The following NREP variants were observed in gnomAD, a reference collection of about 807,000 sequenced individuals.
NREP encodes neuronal regeneration-related protein.
A neutral mutation model predicts 8.6 loss-of-function variants in NREP; 5 were observed. That is an observed-to-expected ratio of 0.58 (90% CI 0.30 to 1.22). The LOEUF is 1.22. Ranked by LOEUF, NREP falls within the 50% of genes most tolerant of loss-of-function variation. NREP has a pLI of 0.07. For synonymous variants in NREP, 27 were observed against 28.0 expected (o/e 0.96, Z 0.11); for missense variants, 86 against 82.5 (o/e 1.04, Z -0.17).
chr5:111,971,710 G>T (rs1404232164), intron 2 of NREP, among the ~76,000 whole-genome samples: 1 of 152,100 alleles, frequency 6.6e-6, no homozygotes, highest in Non-Finnish European at 1.5e-5. Context: ...TCATATCATA[G>T]ACAAAAGTAA....
At chr5:111,927,049 T>C (rs1285451928) in intron 2 of NREP, among the ~76,000 whole-genome samples, 1 of 151,970 alleles carries the variant, frequency 6.6e-6, no homozygotes, top group Non-Finnish European at 1.5e-5. Context: ...GACTATGTAA[T>C]AGTTGCATCT....
At chr5:111,927,311 C>A (rs1755415557) in intron 2 of NREP, among the ~76,000 whole-genome samples, 1 of 152,060 alleles carries the variant, frequency 6.6e-6, no homozygotes, top group Non-Finnish European at 1.5e-5. Context: ...AGCATCCAAT[C>A]AAGACTCAAA....
chr5:111,829,848 C>T (rs981861378), intron 2 of NREP, among the ~76,000 whole-genome samples: 4 of 152,174 alleles, frequency 2.6e-5, no homozygotes, highest in African/African-American at 4.8e-5. Context: ...ACCCACATAG[C>T]GTGCCATGGG....
rs116629490 is a variant in NREP at position 111,739,938 on chromosome 5, T to C, written c.4-4431A>G. Among the ~76,000 whole-genome samples the C allele has an allele frequency of 1.0e-2, 1,516 of 152,142 alleles. 20 individuals are homozygous for C. The highest frequency in any genetic ancestry group is 0.035 in the African/African-American group (1,438 of 41,496). ...AAATCCTCAAAACCCTCTAGAATAC[T>C]ATTCTTCCAGAAGTCTATTAGAAAA... On this transcript the variant is annotated intron_variant, in intron 2 of 3. Coordinates refer to ENST00000257435, the MANE Select transcript of NREP (RefSeq NM_004772.4).
At chr5:111,862,827 A>G (rs945269462) in intron 2 of NREP, among the ~76,000 whole-genome samples, 2 of 151,752 alleles carry the variant, frequency 1.3e-5, no homozygotes, top group East Asian at 1.9e-4. Context: ...AGAAAAAGTC[A>G]GGTGGAAGCA....
intron 2 of NREP, among the ~76,000 whole-genome samples, chr5:111,889,556 G>C (rs1008705203): frequency 6.6e-6 from 1 of 152,100 alleles, no homozygotes; most frequent in South Asian, 2.1e-4. Flanking sequence ...CTTCTCAATA[G>C]TACCCCAAAG....
intron 2 of NREP, among the ~76,000 whole-genome samples, chr5:111,882,017 T>C (rs1754091387): frequency 1.3e-5 from 2 of 152,056 alleles, no homozygotes. Flanking sequence ...AGGCTTCAGA[T>C]GATCAAACTA....
intron 2 of NREP, among the ~76,000 whole-genome samples, chr5:111,751,324 T>C (rs556621120): frequency 9.3e-4 from 141 of 152,320 alleles, no homozygotes; most frequent in African/African-American, 3.0e-3. Flanking sequence ...GCCGTGTTAA[T>C]GCTTAAGTCC....
intron 2 of NREP, among the ~76,000 whole-genome samples, chr5:111,904,515 G>A (rs1754729322): frequency 6.6e-6 from 1 of 152,000 alleles, no homozygotes; most frequent in Admixed American, 6.6e-5. Flanking sequence ...ATAGTATGTA[G>A]GCTTTTCAGG....
At chr5:111,743,996 A>C (rs1490393895) in intron 2 of NREP, among the ~76,000 whole-genome samples, 1 of 152,126 alleles carries the variant, frequency 6.6e-6, no homozygotes, top group Non-Finnish European at 1.5e-5. Flanking sequence ...CTGATGAGGT[A>C]AGTATTTATT....
At chr5:111,870,159 G>A (rs1753756579) in intron 2 of NREP, among the ~76,000 whole-genome samples, 1 of 152,192 alleles carries the variant, frequency 6.6e-6, no homozygotes, top group Non-Finnish European at 1.5e-5. Context: ...GCTGGGTGCA[G>A]TGGCTCATGC....
intron 2 of NREP, among the ~76,000 whole-genome samples, chr5:111,940,984 A>G (rs1755813503): frequency 6.6e-6 from 1 of 152,094 alleles, no homozygotes; most frequent in Non-Finnish European, 1.5e-5. Flanking sequence ...AAAATCCACA[A>G]AGTACATTTA....
intron 2 of NREP, among the ~76,000 whole-genome samples, chr5:111,872,714 G>T (rs1753817471): frequency 6.6e-6 from 1 of 152,140 alleles, no homozygotes; most frequent in Admixed American, 6.6e-5. Flanking sequence ...TACAAACTGT[G>T]TTGGCCCTGC....
intron 2 of NREP, among the ~76,000 whole-genome samples, chr5:111,817,807 A>C (rs927408656): frequency 1.3e-5 from 2 of 149,980 alleles, no homozygotes; most frequent in African/African-American, 4.9e-5. Flanking sequence ...TTCATCTCAA[A>C]AAAAAAAAAA....
At chr5:111,910,930 A>G (rs1050992751) in intron 2 of NREP, among the ~76,000 whole-genome samples, 4 of 152,042 alleles carry the variant, frequency 2.6e-5, no homozygotes, top group African/African-American at 9.7e-5. Flanking sequence ...TTGGTACTAG[A>G]AGCTTCAGAG....
At chr5:111,785,092 G>A (rs1751578373) in intron 2 of NREP, among the ~76,000 whole-genome samples, 1 of 152,068 alleles carries the variant, frequency 6.6e-6, no homozygotes, top group Admixed American at 6.6e-5. Context: ...ATCCTGTTTT[G>A]CCTGGAGAGA....
chr5:111,733,663 A>G (rs1213257930), intron 3 of NREP: 21 of 152,162 alleles, frequency 1.4e-4, no homozygotes, highest in Admixed American at 1.4e-3. Context: ...AAAAAAGTTC[A>G]TCCATGGGAA....
chr5:111,789,964 CA>C (rs1252953202), intron 2 of NREP, among the ~76,000 whole-genome samples: 1 of 151,774 alleles, frequency 6.6e-6, no homozygotes, highest in Admixed American at 6.6e-5. Context: ...GGAGAAAATA[CA>C]AACAAAATTG....
chr5:111,807,829 C>G (rs1159569000), intron 2 of NREP, among the ~76,000 whole-genome samples: 1 of 152,158 alleles, frequency 6.6e-6, no homozygotes, highest in Non-Finnish European at 1.5e-5. Flanking sequence ...AAAATTTCCA[C>G]AGAAAATGTC....
Sources: allele counts gnomAD v4.1 joint callset (sites outside exome capture counted in the v4.1 genomes callset), GRCh38; gene constraint gnomAD v4.1.1; transcripts MANE v1.5; gene names NCBI Gene and HGNC (gene_info 2026-07-23, HGNC 2026-07-21).